Variants in KCNG3 observed in about 807,000 individuals in gnomAD.
KCNG3 encodes potassium voltage-gated channel modifier subfamily G member 3, also known as voltage-gated potassium channel regulatory subunit KCNG3.
In KCNG3, 15 loss-of-function variants were observed where a neutral mutation model predicts 29.0. The ratio of observed to expected loss-of-function variants is 0.52; its 90% CI spans 0.35 to 0.80. The LOEUF (loss-of-function observed/expected upper bound fraction) is 0.80, where lower values mean the gene tolerates loss of function less well. Ranked by LOEUF, KCNG3 falls within the 30% of genes least tolerant of loss-of-function variation. KCNG3 has a pLI of 0.01. For synonymous variants in KCNG3, 322 were observed against 248.9 expected (o/e 1.29, Z -2.76); for missense variants, 512 against 605.7 (o/e 0.85, Z 1.62).
At chr2:42,470,145 A>G (rs1673251041) in intron 1 of KCNG3, 2 of 431,698 alleles carry the variant, frequency 4.6e-6, no homozygotes, top group African/African-American at 4.2e-5. Context: ...AAGGATGCTA[A>G]ATTCTGTCTG....
chr2:42,460,625 A>C (rs1307942806), intron 1 of KCNG3, among the ~76,000 whole-genome samples: 1 of 152,192 alleles, frequency 6.6e-6, no homozygotes, highest in Non-Finnish European at 1.5e-5. Context: ...AATTTGGCAA[A>C]AACAAAATCA....
chr2:42,403,100 T>C, the KCNG3 span, among the ~76,000 whole-genome samples: 205 of 152,326 alleles, frequency 1.3e-3, no homozygotes, highest in African/African-American at 4.8e-3. Context: ...CTAAGTATTT[T>C]CTTTGTCTTG....
At chr2:42,391,122 G>C in the KCNG3 span, among the ~76,000 whole-genome samples, 1 of 152,148 alleles carries the variant, frequency 6.6e-6, no homozygotes, top group Non-Finnish European at 1.5e-5. Context: ...GGCCAGATTT[G>C]CATTCCAAAT....
intron 1 of KCNG3, chr2:42,470,308 T>G: frequency 6.5e-6 from 2 of 309,708 alleles, no homozygotes; most frequent in Non-Finnish European, 1.3e-5. Context: ...TGTTTAAATT[T>G]TAAAAAAATG....
the KCNG3 span, among the ~76,000 whole-genome samples, chr2:42,398,792 T>C: frequency 6.6e-6 from 1 of 152,116 alleles, no homozygotes; most frequent in Admixed American, 6.5e-5. Flanking sequence ...CAAATCTTGC[T>C]TACAGTAGGG....
chr2:42,423,112 G>A, the KCNG3 span, among the ~76,000 whole-genome samples: 3 of 152,146 alleles, frequency 2.0e-5, no homozygotes, highest in Non-Finnish European at 4.4e-5. Context: ...CAGTCGGCTT[G>A]ATATTTCCAT....
the KCNG3 span, among the ~76,000 whole-genome samples, chr2:42,424,413 T>C: frequency 6.7e-6 from 1 of 148,530 alleles, no homozygotes; most frequent in East Asian, 2.0e-4. Context: ...GGATAGACTA[T>C]GAAAATTCCC....
chr2:42,463,787 AC>A (rs1462524156), intron 1 of KCNG3: 1 of 189,926 alleles, frequency 5.3e-6, no homozygotes, highest in Non-Finnish European at 1.1e-5. Context: ...TTTCTCCATA[AC>A]TGTCAGGCCA....
At chr2:42,483,232 T>C (rs1344801451) in intron 1 of KCNG3, among the ~76,000 whole-genome samples, 1 of 152,244 alleles carries the variant, frequency 6.6e-6, no homozygotes, top group Non-Finnish European at 1.5e-5. Context: ...TCCTATTCAT[T>C]ACTAACTGCA....
chr2:42,492,760 A>T (rs554612453), intron 1 of KCNG3, 77 bp downstream of exon 1: 1 of 1,303,436 alleles, frequency 7.7e-7, no homozygotes, highest in African/African-American at 1.6e-5. Context: ...GGCGGACAGG[A>T]CGGAGACGGG....
the KCNG3 span, among the ~76,000 whole-genome samples, chr2:42,429,850 A>G: frequency 2.6e-5 from 4 of 152,172 alleles, no homozygotes; most frequent in Non-Finnish European, 5.9e-5. Context: ...AAGAGAAACA[A>G]TGCGGGTGAG....
chr2:42,488,887 T>C (rs1307752282), intron 1 of KCNG3, among the ~76,000 whole-genome samples: 1 of 150,998 alleles, frequency 6.6e-6, no homozygotes, highest in Non-Finnish European at 1.5e-5. Context: ...GAAGATATAG[T>C]TCTGGAAGGT....
At chr2:42,448,826 A>C (rs1672670069) in intron 1 of KCNG3, among the ~76,000 whole-genome samples, 1 of 152,028 alleles carries the variant, frequency 6.6e-6, no homozygotes, top group Non-Finnish European at 1.5e-5. Context: ...AAAATACAAG[A>C]AATTAGCCGG....
intron 1 of KCNG3, among the ~76,000 whole-genome samples, chr2:42,451,826 G>A (rs1054025434): frequency 6.6e-6 from 1 of 151,998 alleles, no homozygotes; most frequent in Non-Finnish European, 1.5e-5. Context: ...CCTGAGCCCA[G>A]GAGTTCAAGG....
At chr2:42,469,462 A>G (rs1395722770) in intron 1 of KCNG3, among the ~76,000 whole-genome samples, 1 of 151,650 alleles carries the variant, frequency 6.6e-6, no homozygotes, top group Non-Finnish European at 1.5e-5. Flanking sequence ...AAGTAGATCC[A>G]CATACCCACA....
intron 1 of KCNG3, among the ~76,000 whole-genome samples, chr2:42,461,624 G>A (rs1445521359): frequency 6.6e-6 from 1 of 152,056 alleles, no homozygotes; most frequent in Non-Finnish European, 1.5e-5. Flanking sequence ...ACTCCGGGTG[G>A]GCCCCCTTAA....
the KCNG3 span, among the ~76,000 whole-genome samples, chr2:42,396,139 T>C: frequency 6.6e-6 from 1 of 152,138 alleles, no homozygotes; most frequent in African/African-American, 2.4e-5. Context: ...ATACTGAAAG[T>C]AAAAATGGAA....
At position 42,468,144 on chromosome 2, in the gene KCNG3, G is replaced by A. The variant is rs1030130367; in HGVS notation, c.666-23565C>T. Among the ~76,000 whole-genome samples the A allele has an allele frequency of 3.3e-5, 5 of 152,100 alleles. No individual in the cohort carries two copies. In the East Asian group the frequency reaches 9.6e-4, roughly 29 times the overall value. ...ATAAAAATAAAAAGACAAGAATGCC[G>A]GCTGTCACCATTTCTCATCAGTACA... On this transcript the variant is annotated intron_variant, in intron 1 of 1. Coordinates refer to ENST00000306078, the MANE Select transcript of KCNG3 (RefSeq NM_133329.6).
the KCNG3 span, among the ~76,000 whole-genome samples, chr2:42,431,874 A>C: frequency 6.6e-6 from 1 of 151,976 alleles, no homozygotes; most frequent in Non-Finnish European, 1.5e-5. Flanking sequence ...CCCATCACTA[A>C]TAAAAATACA....
Sources: allele counts gnomAD v4.1 joint callset (sites outside exome capture counted in the v4.1 genomes callset), GRCh38; gene constraint gnomAD v4.1.1; transcripts MANE v1.5; gene names NCBI Gene and HGNC (gene_info 2026-07-23, HGNC 2026-07-21).